ZNF875: variants seen among roughly 807,000 people sequenced by gnomAD.
ZNF875 encodes the protein zinc finger protein 875.
In ZNF875, 14 loss-of-function variants were observed where a neutral mutation model predicts 11.2. The ratio of observed to expected loss-of-function variants is 1.26; its 90% CI spans 0.83 to 1.96. The LOEUF is 1.96. Ranked by LOEUF, ZNF875 falls within the 30% of genes most tolerant of loss-of-function variation. The pLI is 0.00. For synonymous variants in ZNF875, 301 were observed against 281.1 expected, an observed-to-expected ratio of 1.07 and a Z score of -0.71; for missense variants, 752 against 760.4, an observed-to-expected ratio of 0.99 and a Z score of 0.13.
At chr19:37,355,185 CTTTGTTTTTGTT>C (rs1240749646) in intron 4 of ZNF875, among the ~76,000 whole-genome samples, 3 of 151,432 alleles carry the variant, frequency 2.0e-5, no homozygotes, top group Non-Finnish European at 4.4e-5. Context: ...TTGTTTTTGT[CTTTGTTTTTGTT>C]TTTGTTTTTT....
intron 2 of ZNF875, among the ~76,000 whole-genome samples, chr19:37,339,087 T>G (rs1229026156): frequency 1.3e-5 from 2 of 152,058 alleles, no homozygotes; most frequent in African/African-American, 2.4e-5. Context: ...CTCAGTAGAT[T>G]ACAGTTAATG....
At chr19:37,322,494 G>T (rs1480925080) in intron 2 of ZNF875, among the ~76,000 whole-genome samples, 1 of 152,144 alleles carries the variant, frequency 6.6e-6, no homozygotes. Flanking sequence ...GTTTCTTTGC[G>T]CTTATCCAGT....
chr19:37,320,719 G>A (rs1029181403), intron 1 of ZNF875, among the ~76,000 whole-genome samples: 1 of 152,322 alleles, frequency 6.6e-6, no homozygotes, highest in South Asian at 2.1e-4. Context: ...TGTTGGAAGA[G>A]GGGGCTCAGC....
At chr19:37,327,010 C>A (rs1275714298) in intron 4 of ZNF875, among the ~76,000 whole-genome samples, 1 of 147,212 alleles carries the variant, frequency 6.8e-6, no homozygotes. Flanking sequence ...TTTTTTTTTT[C>A]GAGATGAAGT....
chr19:37,349,659 T>A (rs968598042), intron 4 of ZNF875, among the ~76,000 whole-genome samples: 26 of 151,868 alleles, frequency 1.7e-4, no homozygotes, highest in Admixed American at 1.2e-3. Flanking sequence ...TTGCTTTTTT[T>A]ATTTTTTTTT....
upstream of ZNF875, chr19:37,315,608 G>A (rs76577460): frequency 1.3e-5 from 2 of 152,242 alleles, no homozygotes; most frequent in African/African-American, 4.8e-5. Context: ...CAAAAGAGGA[G>A]TTTGCTGAGT....
At position 37,363,071 on chromosome 19, in the gene ZNF875, T is replaced by G. The variant is rs772506484; in HGVS notation, c.1219T>G (p.Ser407Ala). The G allele has an allele frequency of 5.6e-6, 9 of 1,613,864 alleles. No homozygotes were observed. The highest frequency in any genetic ancestry group is 6.8e-6 in the Non-Finnish European group (8 of 1,179,982). The change falls in exon 5 of 5, where the codon TCA becomes GCA. Residue 407 changes from serine (S) to alanine (A), a missense_variant. By Grantham distance (99) the Ser-to-Ala change is moderately conservative. Transcript: ENST00000392153. ...RECEQGFSQK[S>A]HLIRHLRTHT... ...GTGTGAGCAAGGCTTTAGCCAGAAGTCACACCTCATCAGACACTTAAGGAC... is the reference window on the plus strand; with the variant it reads ...GTGTGAGCAAGGCTTTAGCCAGAAGGCACACCTCATCAGACACTTAAGGAC...
rs1568679779 is a variant in ZNF875 at position 37,363,711 on chromosome 19, A to G, written c.1859A>G (p.Lys620Arg). ...HSGEKPYICR[K>R]CGRGFSRKSN... ...GGAGAGAAGCCTTATATTTGCAGAA[A>G]GTGTGGACGGGGCTTTAGTCGGAAG... The change falls in exon 5 of 5, where the codon AAG becomes AGG. Residue 620 changes from lysine to arginine, a missense_variant. Coordinates refer to ENST00000392153, the MANE Select transcript of ZNF875 (RefSeq NM_001353803.2). 1 of 1,613,742 alleles carries G rather than the reference A, an allele frequency of 6.2e-7. No homozygotes were observed. Among genetic ancestry groups the G allele is most frequent in the Non-Finnish European group, 8.5e-7 (1 of 1,179,736 alleles).
At chr19:37,342,899 C>T (rs888906177) in intron 2 of ZNF875, among the ~76,000 whole-genome samples, 2 of 152,316 alleles carry the variant, frequency 1.3e-5, no homozygotes, top group East Asian at 3.9e-4. Flanking sequence ...AGTTTGTTTA[C>T]TGGTTTTCCA....
intron 4 of ZNF875, among the ~76,000 whole-genome samples, chr19:37,326,084 C>A (rs902270097): frequency 1.3e-5 from 2 of 152,194 alleles, no homozygotes; most frequent in African/African-American, 2.4e-5. Context: ...TCAAGCAGTC[C>A]TCCTGTCTTG....
chr19:37,317,765 C>G (rs1217928535), upstream of ZNF875: 1 of 152,294 alleles, frequency 6.6e-6, no homozygotes, highest in Non-Finnish European at 1.5e-5. Flanking sequence ...ACTGAAAGCT[C>G]CGTCTATTTG....
At chr19:37,356,255 T>G (rs1384480407) in intron 4 of ZNF875, among the ~76,000 whole-genome samples, 4 of 152,232 alleles carry the variant, frequency 2.6e-5, no homozygotes, top group African/African-American at 9.6e-5. Flanking sequence ...TGCAGGTGTC[T>G]TCTGGTAGAA....
At chr19:37,349,660 A>AT (rs368289499) in intron 4 of ZNF875, among the ~76,000 whole-genome samples, 11 of 150,070 alleles carry the variant, frequency 7.3e-5, no homozygotes, top group South Asian at 2.1e-4. Flanking sequence ...TGCTTTTTTT[A>AT]TTTTTTTTTA....
intron 2 of ZNF875, chr19:37,346,174 G>A (rs2036721789): frequency 6.6e-6 from 1 of 152,186 alleles, no homozygotes; most frequent in Non-Finnish European, 1.5e-5. Flanking sequence ...CCGCATGAGA[G>A]CATGGAATTT....
At chr19:37,321,322 G>A (rs1027709791) in intron 1 of ZNF875, among the ~76,000 whole-genome samples, 2 of 152,152 alleles carry the variant, frequency 1.3e-5, no homozygotes, top group African/African-American at 4.8e-5. Context: ...TGTAAAACCC[G>A]ATTAACTGCT....
chr19:37,362,425 A>G lies in ZNF875; in HGVS notation c.573A>G (p.Glu191=). Residue 191 remains glutamate (E), a synonymous_variant, in exon 5 of 5, where the codon GAA becomes GAG. Transcript: ENST00000392153. Reference sequence around the variant, plus strand: ...AACAACAGCCAGCACAGTCCAAGGAAGACAACACAGTGGTGGATATAGGGT... The same window carrying G: ...AACAACAGCCAGCACAGTCCAAGGAGGACAACACAGTGGTGGATATAGGGT... ...PEEQQPAQSK[E]DNTVVDIGSS... 2 of 1,614,176 alleles carry G rather than the reference A, an allele frequency of 1.2e-6. No individual in the cohort carries two copies. The highest frequency in any genetic ancestry group is 2.2e-5 in the South Asian group (2 of 91,086).
At chr19:37,354,384 C>T (rs796989139) in intron 4 of ZNF875, among the ~76,000 whole-genome samples, 1 of 150,676 alleles carries the variant, frequency 6.6e-6, no homozygotes, top group African/African-American at 2.4e-5. Flanking sequence ...AACTCTTCCC[C>T]ATCTTCTGGC....
At chr19:37,348,351 C>T (rs2037226136) in intron 4 of ZNF875, among the ~76,000 whole-genome samples, 1 of 152,150 alleles carries the variant, frequency 6.6e-6, no homozygotes, top group Non-Finnish European at 1.5e-5. Flanking sequence ...ATGACCTAAA[C>T]AGTCGAAACC....
chr19:37,344,831 G>A lies in ZNF875; in HGVS notation c.34-2359G>A, dbSNP rs748715498. On this transcript the variant is annotated intron_variant, in intron 2 of 4. Transcript: ENST00000392153. ...TGCTCTGTGATGTAGCTCCTTCGTG[G>A]GAGATTTTCAAGGGGTGTATGTGTG... is the stretch of plus-strand genomic sequence containing the variant. The A allele has an allele frequency of 1.4e-5, 16 of 1,115,854 alleles. No individual in the cohort carries two copies. The Admixed American group carries it at 2.5e-4, about 18-fold the overall frequency. 69.1% of individuals were successfully genotyped at this position (1,115,854 alleles called of 1,614,324 possible).
Sources: gnomAD v4.1 joint callset for allele counts (sites outside exome capture counted in the v4.1 genomes callset) on GRCh38, gnomAD v4.1.1 for gene constraint, MANE v1.5 for transcripts, NCBI Gene and HGNC (gene_info 2026-07-23, HGNC 2026-07-21) for gene names.